SLC4A10: variants seen among roughly 807,000 people sequenced by gnomAD.
SLC4A10 encodes sodium-driven chloride bicarbonate exchanger.
Under a neutral mutation model 137.7 loss-of-function variants are expected in SLC4A10, and 42 were observed. The ratio of observed to expected loss-of-function variants is 0.30; its 90% CI spans 0.24 to 0.39. SLC4A10 has a LOEUF of 0.39. Ranked by LOEUF, SLC4A10 falls within the 10% of genes least tolerant of loss-of-function variation. The pLI is 1.00. For missense variants in SLC4A10, 925 were observed against 1,355.0 expected (o/e 0.68, Z 4.98); for synonymous variants, 474 against 464.1 (o/e 1.02, Z -0.27).
In SLC4A10 at chr2:161,800,057, G is replaced by C. The variant is rs753071865; in HGVS notation, c.131-4392G>C. Among the ~76,000 whole-genome samples the C allele has an allele frequency of 2.4e-4, 37 of 152,128 alleles. No individual in the cohort carries two copies. The Middle Eastern group carries it at 0.01, about 42-fold the overall frequency. On this transcript the variant is annotated intron_variant, in intron 2 of 26. Coordinates refer to ENST00000446997, the MANE Select transcript of SLC4A10 (RefSeq NM_001178015.2). Reference sequence around the variant, plus strand: ...TTGAAATGTAAACCAGTAGCTCTGGGATTTTGTTCTCTTTTGAAATGTAAA... The same window carrying C: ...TTGAAATGTAAACCAGTAGCTCTGGCATTTTGTTCTCTTTTGAAATGTAAA...
chr2:161,879,544 T>TG (rs1177759243), intron 9 of SLC4A10, among the ~76,000 whole-genome samples: 197 of 134,340 alleles, frequency 1.5e-3, no homozygotes, highest in Non-Finnish European at 2.4e-3. Context: ...GCCATATGAA[T>TG]CCTTTTTTTT....
At chr2:161,882,738 C>T (rs759198527) in intron 10 of SLC4A10, among the ~76,000 whole-genome samples, 10 of 151,920 alleles carry the variant, frequency 6.6e-5, no homozygotes, top group Non-Finnish European at 1.5e-4. Context: ...AAGTAAGCAC[C>T]ATTGTTAATA....
At chr2:161,725,518 G>A (rs1214665147) in intron 1 of SLC4A10, among the ~76,000 whole-genome samples, 1 of 152,264 alleles carries the variant, frequency 6.6e-6, no homozygotes, top group African/African-American at 2.4e-5. Context: ...ATTATTCAAT[G>A]ATTAACCATT....
intron 3 of SLC4A10, among the ~76,000 whole-genome samples, chr2:161,808,276 C>A (rs2056203192): frequency 6.6e-6 from 1 of 151,680 alleles, no homozygotes; most frequent in Non-Finnish European, 1.5e-5. Flanking sequence ...TTATTTTGAT[C>A]CCTCTTTTAT....
chr2:161,750,478 C>T (rs2048854468), intron 1 of SLC4A10, among the ~76,000 whole-genome samples: 1 of 151,384 alleles, frequency 6.6e-6, no homozygotes, highest in Non-Finnish European at 1.5e-5. Flanking sequence ...CCTTTTGATT[C>T]CTTCTTTGTT....
chr2:161,760,722 T>C (rs1048593345), intron 1 of SLC4A10, among the ~76,000 whole-genome samples: 1 of 152,118 alleles, frequency 6.6e-6, no homozygotes, highest in Non-Finnish European at 1.5e-5. Context: ...ATCTTTATGA[T>C]TGAGTGTCAC....
intron 1 of SLC4A10, among the ~76,000 whole-genome samples, chr2:161,768,325 T>G (rs910927459): frequency 6.6e-6 from 1 of 152,026 alleles, no homozygotes; most frequent in African/African-American, 2.4e-5. Context: ...ATTTTCAGTC[T>G]GTTCGGAATA....
intron 19 of SLC4A10, among the ~76,000 whole-genome samples, chr2:161,954,536 C>T (rs1412949406): frequency 6.6e-6 from 1 of 152,128 alleles, no homozygotes; most frequent in East Asian, 1.9e-4. Context: ...AGGGATACTT[C>T]TCTTTGGCTG....
intron 1 of SLC4A10, among the ~76,000 whole-genome samples, chr2:161,639,309 C>G (rs1574034518): frequency 6.6e-6 from 1 of 151,988 alleles, no homozygotes; most frequent in Middle Eastern, 3.2e-3. Flanking sequence ...CAAAACCAGA[C>G]AAGGACACAA....
chr2:161,745,958 C>G (rs913407883), intron 1 of SLC4A10, among the ~76,000 whole-genome samples: 2 of 152,120 alleles, frequency 1.3e-5, no homozygotes, highest in Non-Finnish European at 2.9e-5. Context: ...TTAGGCTGAG[C>G]TGCCTAAAGT....
intron 9 of SLC4A10, among the ~76,000 whole-genome samples, chr2:161,880,831 G>A (rs2061718264): frequency 6.6e-6 from 1 of 152,094 alleles, no homozygotes; most frequent in Non-Finnish European, 1.5e-5. Flanking sequence ...GGTGAACTAT[G>A]AGCAAATGAT....
intron 15 of SLC4A10, among the ~76,000 whole-genome samples, chr2:161,932,503 C>T (rs903910627): frequency 2.0e-5 from 3 of 152,140 alleles, no homozygotes; most frequent in Non-Finnish European, 2.9e-5. Context: ...CTTTACTATC[C>T]TTAATCCTTA....
At chr2:161,835,476 C>T (rs902871478) in intron 3 of SLC4A10, among the ~76,000 whole-genome samples, 7 of 150,332 alleles carry the variant, frequency 4.7e-5, no homozygotes, top group East Asian at 2.0e-4. Context: ...AAGCTTCAGA[C>T]GATTTCGGAG....
intron 3 of SLC4A10, among the ~76,000 whole-genome samples, 185 bp downstream of exon 3, chr2:161,804,780 T>C (rs1435288130): frequency 6.6e-6 from 1 of 152,094 alleles, no homozygotes; most frequent in Non-Finnish European, 1.5e-5. Flanking sequence ...TATATTTGCA[T>C]TGAGAAGCTG....
intron 26 of SLC4A10, 46 bp from the exon 27 acceptor site, chr2:161,983,133 C>G: frequency 6.7e-7 from 1 of 1,502,622 alleles, no homozygotes; most frequent in Non-Finnish European, 8.9e-7. Context: ...TCATAGTAGC[C>G]ATGCTGGATT....
chr2:161,943,096 C>A (rs1288183953), intron 16 of SLC4A10, among the ~76,000 whole-genome samples, 199 bp downstream of exon 16: 1 of 151,992 alleles, frequency 6.6e-6, no homozygotes, highest in Non-Finnish European at 1.5e-5. Context: ...TAATAGAAGA[C>A]CAGAATTGCT....
At chr2:161,710,998 G>A (rs976025782) in intron 1 of SLC4A10, among the ~76,000 whole-genome samples, 4 of 151,668 alleles carry the variant, frequency 2.6e-5, no homozygotes, top group African/African-American at 9.7e-5. Flanking sequence ...ATCCTAGAAG[G>A]AGTTACATGT....
intron 1 of SLC4A10, among the ~76,000 whole-genome samples, chr2:161,638,876 T>TTAA (rs1553469516): frequency 2.1e-4 from 31 of 151,062 alleles, no homozygotes; most frequent in Non-Finnish European, 3.4e-4. Context: ...TTTTTTAAGA[T>TTAA]AAAAAAAGAC....
chr2:161,954,000 A>C (rs1201443223), intron 19 of SLC4A10, among the ~76,000 whole-genome samples: 1 of 152,230 alleles, frequency 6.6e-6, no homozygotes, highest in South Asian at 2.1e-4. Flanking sequence ...CTTATAAAAA[A>C]GAAAGTTTCT....
Sources: gnomAD v4.1 joint callset for allele counts (sites outside exome capture counted in the v4.1 genomes callset) on GRCh38, gnomAD v4.1.1 for gene constraint, MANE v1.5 for transcripts, NCBI Gene and HGNC (gene_info 2026-07-23, HGNC 2026-07-21) for gene names.